The following ANKRD13C variants were observed in gnomAD, a reference collection of about 807,000 sequenced individuals.
ANKRD13C encodes the protein ankyrin repeat domain 13C.
In ANKRD13C, 16 loss-of-function variants were observed where a neutral mutation model predicts 65.5. The ratio of observed to expected loss-of-function variants is 0.24; its 90% CI spans 0.17 to 0.37. The LOEUF (loss-of-function observed/expected upper bound fraction) is 0.37, where lower values mean the gene tolerates loss of function less well. Ranked by LOEUF, ANKRD13C falls within the 10% of genes least tolerant of loss-of-function variation. The pLI, the probability that ANKRD13C is intolerant of heterozygous loss-of-function variation, is 1.00. For synonymous variants in ANKRD13C, 235 were observed against 238.7 expected, an observed-to-expected ratio of 0.98 and a Z score of 0.14; for missense variants, 503 against 655.9, an observed-to-expected ratio of 0.77 and a Z score of 2.55.
chr1:70,322,659 T>A (rs1008966495), intron 3 of ANKRD13C, among the ~76,000 whole-genome samples: 1 of 152,188 alleles, frequency 6.6e-6, no homozygotes, highest in African/African-American at 2.4e-5. Context: ...TACACACACA[T>A]GCTTTATAGT....
chr1:70,309,201 T>G (rs1423544341), intron 5 of ANKRD13C, among the ~76,000 whole-genome samples: 1 of 151,612 alleles, frequency 6.6e-6, no homozygotes, highest in Non-Finnish European at 1.5e-5. Flanking sequence ...GCCTCCTGAG[T>G]AGCTGGGATT....
chr1:70,336,172 C>T (rs1221156498), intron 1 of ANKRD13C, 73 bp from the exon 2 acceptor site: 2 of 348,444 alleles, frequency 5.7e-6, no homozygotes, highest in Admixed American at 5.3e-5. Context: ...AAAGTGGTTT[C>T]AGCTCCTTCA....
At chr1:70,353,898 G>A (rs1682867283) in intron 1 of ANKRD13C, 81 bp downstream of exon 1, 11 of 1,426,218 alleles carry the variant, frequency 7.7e-6, no homozygotes, top group Non-Finnish European at 1.0e-5. Flanking sequence ...TGCTGGAGGG[G>A]GCCTAGGATT....
chr1:70,293,503 C>A (rs1679949352), intron 8 of ANKRD13C: 4 of 966,152 alleles, frequency 4.1e-6, no homozygotes, highest in South Asian at 4.8e-5. Flanking sequence ...TCCCTCCTTA[C>A]CTGTCAAAGA....
chr1:70,342,723 AACAC>A (rs745583706), intron 1 of ANKRD13C, among the ~76,000 whole-genome samples: 1 of 147,330 alleles, frequency 6.8e-6, no homozygotes, highest in African/African-American at 2.6e-5. Context: ...TAAAGAAAGA[AACAC>A]ACACACACAA....
At chr1:70,289,465 A>AATT (rs1379203930) in intron 9 of ANKRD13C, among the ~76,000 whole-genome samples, 1 of 151,814 alleles carries the variant, frequency 6.6e-6, no homozygotes, top group Non-Finnish European at 1.5e-5. Context: ...TTGTTGCCCA[A>AATT]ATTATTATTT....
intron 4 of ANKRD13C, 111 bp from the exon 5 acceptor site, chr1:70,313,901 A>C (rs1680960610): frequency 1.5e-6 from 1 of 681,300 alleles, no homozygotes; most frequent in South Asian, 2.2e-5. Flanking sequence ...ACTATACTTA[A>C]TTACAAAGGA....
intron 11 of ANKRD13C, among the ~76,000 whole-genome samples, chr1:70,271,241 T>C (rs1162732736): frequency 6.6e-6 from 1 of 152,222 alleles, no homozygotes; most frequent in Non-Finnish European, 1.5e-5. Flanking sequence ...CCACTGTCAA[T>C]TTATTGTGTG....
At chr1:70,287,955 G>C (rs1679695158) in intron 9 of ANKRD13C, among the ~76,000 whole-genome samples, 1 of 152,202 alleles carries the variant, frequency 6.6e-6, no homozygotes, top group Non-Finnish European at 1.5e-5. Context: ...GGCGGTCAAG[G>C]CTGCAGTGAA....
chr1:70,265,936 GGGAA>G (rs1370270125), intron 12 of ANKRD13C, among the ~76,000 whole-genome samples: 5 of 147,952 alleles, frequency 3.4e-5, no homozygotes, highest in Admixed American at 2.7e-4. Context: ...GAGGAAGGGA[GGGAA>G]GAAGGAAGGA....
chr1:70,342,670 CTCTA>C (rs1339106766), intron 1 of ANKRD13C, among the ~76,000 whole-genome samples: 1 of 151,940 alleles, frequency 6.6e-6, no homozygotes, highest in African/African-American at 2.4e-5. Context: ...TTCTTCACTT[CTCTA>C]TCTTTCAGGG....
chr1:70,315,235 C>T (rs1456143964), intron 4 of ANKRD13C, among the ~76,000 whole-genome samples: 1 of 151,484 alleles, frequency 6.6e-6, no homozygotes, highest in Admixed American at 6.6e-5. Flanking sequence ...GACTTACCTC[C>T]TTTTTTTTTC....
In ANKRD13C at chr1:70,354,516, C is replaced by T. The variant is rs529151384; in HGVS notation, c.-108G>A. 7.4e-5 allele frequency: 107 copies of T among 1,455,106 alleles called. 4 individuals carry two copies. In the South Asian group the frequency reaches 1.3e-3, roughly 18 times the overall value. 90.1% of individuals were successfully genotyped at this position (1,455,106 alleles called of 1,614,324 possible). A position where few individuals can be genotyped will look rare whatever the true frequency, so the allele number is the denominator to read the frequency against. ...GAGCGGTGGCCAAGAGCCTCCAGCG[C>T]AGCATGAACTCCCACTGAGCCCCCG... On this transcript the variant is annotated 5_prime_UTR_variant, in exon 1 of 13. Transcript: ENST00000370944.
chr1:70,317,481 G>C (rs1405691773), intron 3 of ANKRD13C, among the ~76,000 whole-genome samples: 1 of 151,780 alleles, frequency 6.6e-6, no homozygotes, highest in Non-Finnish European at 1.5e-5. Context: ...ATAAAATGTG[G>C]ATCACAAAAG....
chr1:70,288,263 T>C (rs1390376864), intron 9 of ANKRD13C, among the ~76,000 whole-genome samples: 1 of 152,126 alleles, frequency 6.6e-6, no homozygotes, highest in Non-Finnish European at 1.5e-5. Flanking sequence ...CTGGCAAGGA[T>C]GTAGAAAAAC....
intron 7 of ANKRD13C, among the ~76,000 whole-genome samples, chr1:70,299,109 T>C (rs993685677): frequency 2.6e-5 from 4 of 152,114 alleles, no homozygotes; most frequent in Admixed American, 2.0e-4. Flanking sequence ...CAAAAGTCAT[T>C]TGGTGGGAGA....
intron 2 of ANKRD13C, among the ~76,000 whole-genome samples, chr1:70,330,666 A>T (rs1257992072): frequency 6.6e-6 from 1 of 151,872 alleles, no homozygotes; most frequent in Non-Finnish European, 1.5e-5. Flanking sequence ...GAAAAATAGG[A>T]CAGTTGGAAA....
At chr1:70,331,845 G>C (rs12725762) in intron 2 of ANKRD13C, among the ~76,000 whole-genome samples, 14,302 of 128,614 alleles carry the variant, frequency 0.11, 963 homozygotes, top group Non-Finnish European at 0.16. Flanking sequence ...AAAAAAAAAG[G>C]AACACTAAGT....
intron 9 of ANKRD13C, among the ~76,000 whole-genome samples, chr1:70,282,123 C>T (rs1404967122): frequency 8.9e-5 from 13 of 146,348 alleles, no homozygotes; most frequent in African/African-American, 2.8e-4. Context: ...AGCGCGATCT[C>T]GGCTCACTGC....
Sources: gnomAD v4.1 joint callset for allele counts (sites outside exome capture counted in the v4.1 genomes callset) on GRCh38, gnomAD v4.1.1 for gene constraint, MANE v1.5 for transcripts, NCBI Gene and HGNC (gene_info 2026-07-23, HGNC 2026-07-21) for gene names.